The following AGMO variants were observed in gnomAD, a reference collection of about 807,000 sequenced individuals.
AGMO encodes the protein glyceryl-ether monooxygenase.
AGMO carries 75 observed loss-of-function variants against 60.2 expected under a neutral mutation model. That is an observed-to-expected ratio of 1.25 (90% CI 1.03 to 1.51). The LOEUF (loss-of-function observed/expected upper bound fraction) is 1.51, where lower values mean the gene tolerates loss of function less well. Ranked by LOEUF, AGMO falls within the 40% of genes most tolerant of loss-of-function variation. The pLI is 0.00. For missense variants in AGMO, 763 were observed against 525.5 expected (o/e 1.45, Z -4.42); for synonymous variants, 261 against 177.1 (o/e 1.47, Z -3.76).
intron 12 of AGMO, among the ~76,000 whole-genome samples, chr7:15,249,296 G>A (rs1782859768): frequency 6.6e-6 from 1 of 152,132 alleles, no homozygotes; most frequent in Non-Finnish European, 1.5e-5. Flanking sequence ...GAGTGAAGAA[G>A]TAGCTGACAG....
chr7:15,215,097 A>G (rs968642308), intron 12 of AGMO, among the ~76,000 whole-genome samples: 10 of 152,096 alleles, frequency 6.6e-5, no homozygotes, highest in South Asian at 4.1e-4. Context: ...CTAATTTTAA[A>G]TCGAATACTA....
At chr7:15,273,178 T>A (rs1284384706) in intron 12 of AGMO, among the ~76,000 whole-genome samples, 4 of 152,154 alleles carry the variant, frequency 2.6e-5, no homozygotes, top group Non-Finnish European at 5.9e-5. Flanking sequence ...TTGCTTTTGG[T>A]GTTTTAGGCA....
chr7:15,558,220 C>G (rs1179061812), intron 2 of AGMO, among the ~76,000 whole-genome samples: 1 of 151,616 alleles, frequency 6.6e-6, no homozygotes, highest in Non-Finnish European at 1.5e-5. Flanking sequence ...GGAACAAAAT[C>G]AAACTTTAAA....
In AGMO at chr7:15,310,935, C is replaced by T. The variant is rs75831289; in HGVS notation, c.1263+54579G>A. Among the ~76,000 whole-genome samples the T allele has an allele frequency of 6.9e-3, 1,043 of 152,120 alleles. 16 individuals carry two copies. The highest frequency in any genetic ancestry group is 0.024 in the African/African-American group (1,000 of 41,496). On this transcript the variant is annotated intron_variant, in intron 12 of 12. Transcript: ENST00000342526. ...CATCTTCGCAGGAGTAATAGTGAGT[C>T]CTTCTCAGATCACCTCACTCTGACT...
At chr7:15,507,645 T>C (rs1175730723) in intron 3 of AGMO, among the ~76,000 whole-genome samples, 1 of 152,142 alleles carries the variant, frequency 6.6e-6, no homozygotes, top group South Asian at 2.1e-4. Flanking sequence ...ATTTAAAAAC[T>C]AAGCCACAAG....
chr7:15,336,869 C>T (rs10233930), intron 12 of AGMO, among the ~76,000 whole-genome samples: 58,887 of 151,938 alleles, frequency 0.39, 11,731 homozygotes, highest in East Asian at 0.5. Flanking sequence ...ATTGTATTTA[C>T]ATTTAGACTA....
intron 12 of AGMO, among the ~76,000 whole-genome samples, chr7:15,316,710 G>A (rs1356742964): frequency 6.6e-6 from 1 of 152,118 alleles, no homozygotes; most frequent in African/African-American, 2.4e-5. Context: ...ACAGGCTAAT[G>A]TATTTAGTAA....
At chr7:15,196,563 G>C (rs1157786481), downstream of AGMO, among the ~76,000 whole-genome samples, 1 of 152,116 alleles carries the variant, frequency 6.6e-6, no homozygotes, top group East Asian at 1.9e-4. Context: ...ATTCTAGTTT[G>C]GCTGTAGCTT....
At chr7:15,368,676 A>C (rs530607030) in intron 10 of AGMO, among the ~76,000 whole-genome samples, 1 of 152,286 alleles carries the variant, frequency 6.6e-6, no homozygotes, top group Non-Finnish European at 1.5e-5. Context: ...TACTATGTTC[A>C]GGAGCTTAGG....
At chr7:15,196,491 A>G (rs940876405), downstream of AGMO, among the ~76,000 whole-genome samples, 2 of 152,154 alleles carry the variant, frequency 1.3e-5, no homozygotes. Context: ...ATTCTCTCAC[A>G]CTGCACAACT....
intron 3 of AGMO, among the ~76,000 whole-genome samples, chr7:15,448,219 G>A (rs894680722): frequency 6.6e-6 from 1 of 152,256 alleles, no homozygotes; most frequent in South Asian, 2.1e-4. Flanking sequence ...ATTTGCAGAT[G>A]GGGCATTTTG....
intron 12 of AGMO, among the ~76,000 whole-genome samples, chr7:15,221,501 C>G (rs780692340): frequency 7.9e-5 from 12 of 152,040 alleles, no homozygotes; most frequent in Non-Finnish European, 1.2e-4. Flanking sequence ...ATAGTGGTGA[C>G]TATAGACGTA....
rs775057626 is a variant in AGMO, at chr7:15,342,172, T to TAAAAAAAAAAA, written c.1263+23331_1263+23341dup. Among the ~76,000 whole-genome samples the TAAAAAAAAAAA allele has an allele frequency of 2.9e-4, 16 of 54,304 alleles. 2 individuals carry two copies. The highest frequency in any genetic ancestry group is 1.3e-3 in the African/African-American group (14 of 10,746). The allele number at this position is 54,304 out of a possible 152,430, so 35.6% of individuals were successfully genotyped here. On this transcript the variant is annotated intron_variant, in intron 12 of 12. Coordinates refer to ENST00000342526, the MANE Select transcript of AGMO (RefSeq NM_001004320.2). ...AGCTGAGAGTAGATACCCACAGAGTTAAAAAAAAAAAAAAAAAAAAAAAAG... is the reference window on the plus strand; with the variant it reads ...AGCTGAGAGTAGATACCCACAGAGTTAAAAAAAAAAAAAAAAAAAAAAAAAAAAAAAAAAAG...
At chr7:15,176,053 G>A in the AGMO span, among the ~76,000 whole-genome samples, 5 of 151,940 alleles carry the variant, frequency 3.3e-5, no homozygotes, top group African/African-American at 1.2e-4. Flanking sequence ...AATAGGTAAC[G>A]ACATTTATGT....
At chr7:15,341,551 C>A (rs1007502813) in intron 12 of AGMO, among the ~76,000 whole-genome samples, 1 of 152,180 alleles carries the variant, frequency 6.6e-6, no homozygotes, top group Non-Finnish European at 1.5e-5. Flanking sequence ...ATCTTTCTGT[C>A]TTCTTCTGGG....
intron 5 of AGMO, among the ~76,000 whole-genome samples, chr7:15,395,886 A>T (rs200166246): frequency 2.0e-5 from 3 of 152,150 alleles, no homozygotes; most frequent in Non-Finnish European, 2.9e-5. Context: ...GTTGCTCAAT[A>T]CATGTGAATA....
At chr7:15,381,680 C>T (rs1018271072) in intron 10 of AGMO, among the ~76,000 whole-genome samples, 15 of 152,088 alleles carry the variant, frequency 9.9e-5, no homozygotes, top group Admixed American at 5.9e-4. Flanking sequence ...GGTATACATA[C>T]AAGGGAATAT....
chr7:15,230,820 T>C (rs1782237774), intron 12 of AGMO, among the ~76,000 whole-genome samples: 1 of 152,078 alleles, frequency 6.6e-6, no homozygotes, highest in South Asian at 2.1e-4. Flanking sequence ...GCCTTTTGTT[T>C]GGGACTCCCT....
At chr7:15,258,255 G>C (rs1391564778) in intron 12 of AGMO, among the ~76,000 whole-genome samples, 2 of 152,124 alleles carry the variant, frequency 1.3e-5, no homozygotes, top group Non-Finnish European at 2.9e-5. Context: ...AATAGTTTAT[G>C]TGGGACCAAA....
Sources: gnomAD v4.1 joint callset for allele counts (sites outside exome capture counted in the v4.1 genomes callset) on GRCh38, gnomAD v4.1.1 for gene constraint, MANE v1.5 for transcripts, NCBI Gene and HGNC (gene_info 2026-07-23, HGNC 2026-07-21) for gene names.